SDK2: variants seen among roughly 807,000 people sequenced by gnomAD.
The protein encoded by SDK2 is sidekick cell adhesion molecule 2, also known as protein sidekick-2.
In SDK2, 105 loss-of-function variants were observed where a neutral mutation model predicts 253.9. The ratio of observed to expected loss-of-function variants is 0.41; its 90% confidence interval spans 0.35 to 0.49. SDK2 has a LOEUF of 0.49. Among genes scored for constraint, SDK2 ranks in the 20% least tolerant of loss-of-function variants. The pLI, the probability that SDK2 is intolerant of heterozygous loss-of-function variation, is 0.06. For missense variants in SDK2, 2,608 were observed against 3,003.0 expected (o/e 0.87, Z 3.07); for synonymous variants, 1,249 against 1,234.9 (o/e 1.01, Z -0.24).
In SDK2 at chr17:73,352,043, C is replaced by T. The variant is rs950957338; in HGVS notation, c.5758+430G>A. Among the ~76,000 whole-genome samples the T allele has an allele frequency of 2.0e-5, 3 of 152,108 alleles. No homozygotes were observed. Among genetic ancestry groups the T allele is most frequent in the African/African-American group, 7.2e-5 (3 of 41,414 alleles). On this transcript the variant is annotated intron_variant, in intron 41 of 44. Transcript: ENST00000392650. This position sits in a 1 kb window ranked among gnomAD's most constrained non-coding sequence, Gnocchi z 4.1. ...AATGGGAGGGGTGGTGACCCTGCTG[C>T]ACCCAGGCACTAGGTCAGGCCTAAG...
At chr17:73,345,315 A>G (rs1478833926) in intron 44 of SDK2, among the ~76,000 whole-genome samples, 1 of 151,708 alleles carries the variant, frequency 6.6e-6, no homozygotes, top group African/African-American at 2.4e-5. Context: ...GCGAGACTTC[A>G]TTTCAAAAAA....
intron 36 of SDK2, among the ~76,000 whole-genome samples, chr17:73,376,359 G>T (rs1036812432): frequency 1.5e-5 from 2 of 133,666 alleles, no homozygotes; most frequent in African/African-American, 6.3e-5. Flanking sequence ...ATAAACACGT[G>T]TCATTGACCA....
At chr17:73,554,024 G>A (rs2045105701) in intron 1 of SDK2, among the ~76,000 whole-genome samples, 1 of 152,170 alleles carries the variant, frequency 6.6e-6, no homozygotes, top group Non-Finnish European at 1.5e-5. Context: ...GGCTCACAGG[G>A]AGAGGGGTTT....
chr17:73,419,730 C>CAAAAAAAAAAAAAAAAAA (rs1335442338), intron 15 of SDK2, among the ~76,000 whole-genome samples: 1 of 25,908 alleles, frequency 3.9e-5, no homozygotes. Context: ...AAAAAAAACC[C>CAAAAAAAAAAAAAAAAAA]AAAAAAACTC....
intron 1 of SDK2, among the ~76,000 whole-genome samples, chr17:73,583,223 G>A (rs1181408924): frequency 6.6e-6 from 1 of 152,218 alleles, no homozygotes; most frequent in Admixed American, 6.5e-5. Flanking sequence ...CCTGTAGTCT[G>A]CATGCTCCCT....
At chr17:73,512,548 CAT>C (rs1353133747) in intron 1 of SDK2, among the ~76,000 whole-genome samples, 37 of 137,172 alleles carry the variant, frequency 2.7e-4, no homozygotes, top group African/African-American at 4.2e-4. Flanking sequence ...AACACACACA[CAT>C]ACACACACAC....
intron 1 of SDK2, among the ~76,000 whole-genome samples, chr17:73,564,750 G>C (rs1001763627): frequency 1.3e-5 from 2 of 152,084 alleles, no homozygotes; most frequent in Non-Finnish European, 1.5e-5. Context: ...GCTTGAACCT[G>C]GGAGGCGGAG....
rs1323952350 is a variant in SDK2 at position 73,455,672 on chromosome 17, C to T, written c.479+234G>A. 2.0e-5 allele frequency among the ~76,000 whole-genome samples: 3 copies of T among 152,172 alleles called. No homozygotes were observed. The highest frequency in any genetic ancestry group is 6.5e-5 in the Admixed American group (1 of 15,278). On this transcript the variant is annotated intron_variant, in intron 4 of 44. Transcript: ENST00000392650. The surrounding 1 kb of genome is among the most constrained non-coding windows in gnomAD (Gnocchi z 5.0). Reference sequence around the variant, plus strand: ...ATTCTCCAGCTGATGGTGGAGGCAACGCCCTGGGATTCCCCAGGAAGGGGA... The same window carrying T: ...ATTCTCCAGCTGATGGTGGAGGCAATGCCCTGGGATTCCCCAGGAAGGGGA...
chr17:73,361,517 G>A lies in SDK2; in HGVS notation c.5467+167C>T, dbSNP rs568098954. On this transcript the variant is annotated intron_variant, in intron 39 of 44. Coordinates refer to ENST00000392650, the MANE Select transcript of SDK2 (RefSeq NM_001144952.2). This position sits in a 1 kb window ranked among gnomAD's most constrained non-coding sequence, Gnocchi z 4.1. ...ACACATTAATCAAAGCGTGGAGCCC[G>A]GGAGGAGGGAGCGGGGGGAGGGGTC... Among the ~76,000 whole-genome samples the A allele has an allele frequency of 3.5e-4, 53 of 152,250 alleles. No individual in the cohort carries two copies. The highest frequency in any genetic ancestry group is 9.8e-4 in the Admixed American group (15 of 15,290).
intron 36 of SDK2, 121 bp from the exon 37 acceptor site, chr17:73,368,714 A>G: frequency 1.1e-6 from 1 of 909,018 alleles, no homozygotes; most frequent in Non-Finnish European, 1.6e-6. Context: ...GAAACAGCGG[A>G]GAAGTCTTTA....
chr17:73,617,251 T>A (rs1448061561), intron 1 of SDK2, among the ~76,000 whole-genome samples: 1 of 120,454 alleles, frequency 8.3e-6, no homozygotes, highest in Non-Finnish European at 1.7e-5. Flanking sequence ...GGGAGAGGCC[T>A]CCTGCAGAGG....
At chr17:73,588,056 G>A (rs747573176) in intron 1 of SDK2, among the ~76,000 whole-genome samples, 6 of 152,158 alleles carry the variant, frequency 3.9e-5, no homozygotes, top group Admixed American at 6.5e-5. Context: ...AGCTGAAACA[G>A]CAGCACCTGG....
At chr17:73,634,776 A>G (rs149908020) in intron 1 of SDK2, among the ~76,000 whole-genome samples, 30 of 152,328 alleles carry the variant, frequency 2.0e-4, no homozygotes, top group African/African-American at 6.7e-4. Context: ...TGACATGACA[A>G]ACACTTATTC....
intron 1 of SDK2, among the ~76,000 whole-genome samples, chr17:73,584,609 C>A (rs1196143357): frequency 6.6e-6 from 1 of 152,200 alleles, no homozygotes; most frequent in African/African-American, 2.4e-5. Flanking sequence ...GGATCAAAGG[C>A]CCTGAGCTCC....
At chr17:73,441,531 C>A (rs2063415969) in intron 5 of SDK2, among the ~76,000 whole-genome samples, 1 of 152,156 alleles carries the variant, frequency 6.6e-6, no homozygotes, top group African/African-American at 2.4e-5. Flanking sequence ...AGATGCACAG[C>A]CTGGAAGACT....
chr17:73,637,417 C>T (rs189744396), intron 1 of SDK2, among the ~76,000 whole-genome samples: 1 of 152,292 alleles, frequency 6.6e-6, no homozygotes, highest in Admixed American at 6.5e-5. Context: ...TTTGCTCTGT[C>T]GCCCAGGCTG....
chr17:73,532,763 C>T (rs1216047623), intron 1 of SDK2, among the ~76,000 whole-genome samples: 10 of 152,070 alleles, frequency 6.6e-5, no homozygotes, highest in East Asian at 1.9e-4. Context: ...GGGCATGCAG[C>T]GGGGCTTAGT....
intron 36 of SDK2, among the ~76,000 whole-genome samples, chr17:73,378,522 C>T (rs552198473): frequency 2.0e-5 from 3 of 151,956 alleles, no homozygotes; most frequent in South Asian, 2.1e-4. Context: ...TGGGTTCAAG[C>T]GATTCTCCTG....
intron 18 of SDK2, among the ~76,000 whole-genome samples, chr17:73,412,643 C>T (rs1035040923): frequency 1.1e-4 from 16 of 152,010 alleles, no homozygotes; most frequent in African/African-American, 3.6e-4. Context: ...AGGCCAGGCG[C>T]GGTGGCTCAT....
Sources: gnomAD v4.1 joint callset for allele counts (sites outside exome capture counted in the v4.1 genomes callset) on GRCh38, gnomAD v4.1.1 for gene constraint, Gnocchi (gnomAD v3.1) non-coding constraint, MANE v1.5 for transcripts, NCBI Gene and HGNC (gene_info 2026-07-23, HGNC 2026-07-21) for gene names.